ZNF609: variants seen among roughly 807,000 people sequenced by gnomAD.
ZNF609 encodes zinc finger protein 609.
In ZNF609, 11 loss-of-function variants were observed where a neutral mutation model predicts 109.5. The ratio of observed to expected loss-of-function variants is 0.10; its 90% confidence interval spans 0.06 to 0.17. The LOEUF (loss-of-function observed/expected upper bound fraction) is 0.17. ZNF609 is among the 10% of genes least tolerant of loss of function. The pLI is 1.00. For missense variants in ZNF609, 1,559 were observed against 1,772.4 expected (o/e 0.88, Z 2.16); for synonymous variants, 646 against 662.0 (o/e 0.98, Z 0.37).
At chr15:64,525,565 T>C (rs138542799) in intron 2 of ZNF609, among the ~76,000 whole-genome samples, 1 of 152,318 alleles carries the variant, frequency 6.6e-6, no homozygotes, top group Non-Finnish European at 1.5e-5. Context: ...TCCTTTGCAT[T>C]TCCATACAAA....
intron 2 of ZNF609, among the ~76,000 whole-genome samples, chr15:64,547,806 T>A (rs879662829): frequency 1.7e-4 from 26 of 152,162 alleles, no homozygotes; most frequent in Non-Finnish European, 3.5e-4. Context: ...GGGGAATACA[T>A]AATAAATATT....
intron 3 of ZNF609, among the ~76,000 whole-genome samples, chr15:64,648,290 A>AGACT (rs1341297551): frequency 2.0e-5 from 3 of 152,228 alleles, no homozygotes; most frequent in Non-Finnish European, 4.4e-5. Flanking sequence ...GTTTGAGACC[A>AGACT]GACTGGGCAA....
chr15:64,481,661 G>A (rs1415428395), intron 1 of ZNF609, among the ~76,000 whole-genome samples: 12 of 152,084 alleles, frequency 7.9e-5, no homozygotes, highest in African/African-American at 1.2e-4. Flanking sequence ...TATTGGAAAC[G>A]TTTTCAGTCA....
At chr15:64,630,509 A>AG (rs1896054130) in intron 3 of ZNF609, among the ~76,000 whole-genome samples, 1 of 152,176 alleles carries the variant, frequency 6.6e-6, no homozygotes, top group Admixed American at 6.5e-5. Flanking sequence ...ACTTAAAATT[A>AG]GTACCTCAAG....
At chr15:64,588,858 G>A (rs563866179) in intron 2 of ZNF609, among the ~76,000 whole-genome samples, 10 of 152,064 alleles carry the variant, frequency 6.6e-5, no homozygotes, top group Admixed American at 1.3e-4. Context: ...GGCTGGTCTC[G>A]AACTCCTGAC....
At chr15:64,511,329 C>A (rs76840300) in intron 2 of ZNF609, among the ~76,000 whole-genome samples, 6 of 151,566 alleles carry the variant, frequency 4.0e-5, no homozygotes, top group Admixed American at 3.3e-4. Context: ...AAAATTTAGC[C>A]AGGCATGGTG....
At chr15:64,668,988 T>C (rs1212214850) in intron 3 of ZNF609, among the ~76,000 whole-genome samples, 7 of 128,574 alleles carry the variant, frequency 5.4e-5, no homozygotes, top group Non-Finnish European at 1.2e-4. Context: ...GGAATTAAAA[T>C]GCCAAAAAAA....
rs2083211670 is a variant in ZNF609, at chr15:64,681,937, T to TATG, written c.*253_*255dup. The TATG allele has an allele frequency of 6.5e-6, 1 of 153,404 alleles. No individual in the cohort carries two copies. The highest frequency in any genetic ancestry group is 1.5e-5 in the Non-Finnish European group (1 of 68,572). The allele number at this position is 153,404 out of a possible 1,614,324, so 9.5% of individuals were successfully genotyped here. On this transcript the variant is annotated 3_prime_UTR_variant, in exon 10 of 10. Coordinates refer to ENST00000326648, the MANE Select transcript of ZNF609 (RefSeq NM_015042.2). ...AAATATTTATTCTCTCAGCCACAGT[T>TATG]ATGACTATTGTGGCCTCTGTGGAGA...
intron 1 of ZNF609, among the ~76,000 whole-genome samples, chr15:64,492,412 A>C (rs930847212): frequency 1.3e-5 from 2 of 152,046 alleles, no homozygotes; most frequent in African/African-American, 2.4e-5. Flanking sequence ...TTTTTTAAAC[A>C]TTTTCCTTTA....
rs77745441 is a variant in ZNF609, at chr15:64,640,717, G to C, written c.973+17665G>C. On this transcript the variant is annotated intron_variant, in intron 3 of 9. Transcript: ENST00000326648. The stretch of plus-strand genomic sequence containing the variant: ...TTTCTTATTCCTAGTGGTTTTCAGA[G>C]GACTCCAGCTGTATAGCCAAAGGCA... Among the ~76,000 whole-genome samples the C allele has an allele frequency of 3.1e-3, 478 of 152,260 alleles. 1 individual carries two copies. Among genetic ancestry groups the C allele is most frequent in the African/African-American group, 0.011 (461 of 41,550 alleles).
intron 2 of ZNF609, chr15:64,529,455 G>T (rs764655653): frequency 2.7e-5 from 26 of 975,126 alleles, no homozygotes; most frequent in Non-Finnish European, 3.7e-5. Context: ...GGGTGATGGG[G>T]TTTCCATTGA....
At chr15:64,531,219 T>C (rs1249132130) in intron 2 of ZNF609, among the ~76,000 whole-genome samples, 1 of 152,186 alleles carries the variant, frequency 6.6e-6, no homozygotes, top group East Asian at 1.9e-4. Flanking sequence ...TAGCTTTATA[T>C]TGAGTACTGA....
chr15:64,579,409 CAAA>C (rs772818773), intron 2 of ZNF609, among the ~76,000 whole-genome samples: 9 of 79,828 alleles, frequency 1.1e-4, no homozygotes, highest in African/African-American at 1.3e-4. Context: ...GACCCTGTCT[CAAA>C]AAAAAAAAAA....
At chr15:64,510,013 A>C (rs1341485460) in intron 2 of ZNF609, among the ~76,000 whole-genome samples, 3 of 152,186 alleles carry the variant, frequency 2.0e-5, no homozygotes, top group African/African-American at 7.2e-5. Context: ...TATTAAATGG[A>C]AAATTCCAGA....
chr15:64,516,538 C>T (rs1219094172), intron 2 of ZNF609, among the ~76,000 whole-genome samples: 8 of 152,130 alleles, frequency 5.3e-5, no homozygotes, highest in African/African-American at 9.6e-5. Context: ...CACCCACACC[C>T]GGCTAATTTT....
chr15:64,565,979 G>A (rs1001233900), intron 2 of ZNF609, among the ~76,000 whole-genome samples: 20 of 152,084 alleles, frequency 1.3e-4, no homozygotes, highest in African/African-American at 4.8e-4. Flanking sequence ...CTCTTGAGTA[G>A]CTGGAACTAA....
chr15:64,560,498 A>G (rs1894658643), intron 2 of ZNF609, among the ~76,000 whole-genome samples: 2 of 151,950 alleles, frequency 1.3e-5, no homozygotes, highest in South Asian at 4.2e-4. Flanking sequence ...TGAAATCGAA[A>G]TATTCTTTCA....
At chr15:64,600,703 A>T (rs1895483744) in intron 2 of ZNF609, among the ~76,000 whole-genome samples, 1 of 148,956 alleles carries the variant, frequency 6.7e-6, no homozygotes, top group Non-Finnish European at 1.5e-5. Context: ...GGGAGGGAGG[A>T]AGGAAGAAAG....
chr15:64,624,541 T>C (rs1302644735), intron 3 of ZNF609, among the ~76,000 whole-genome samples: 1 of 152,076 alleles, frequency 6.6e-6, no homozygotes, highest in East Asian at 1.9e-4. Context: ...AAGAACAAGA[T>C]GCTTTTTTTA....
Sources: allele counts gnomAD v4.1 joint callset (sites outside exome capture counted in the v4.1 genomes callset), GRCh38; gene constraint gnomAD v4.1.1; transcripts MANE v1.5; gene names NCBI Gene and HGNC (gene_info 2026-07-23, HGNC 2026-07-21).